The following POLA1 variants were observed in gnomAD, a reference collection of about 807,000 sequenced individuals.
POLA1 encodes the protein DNA polymerase alpha catalytic subunit.
Under a neutral mutation model 124.0 loss-of-function variants are expected in POLA1, and 15 were observed. The observed-to-expected ratio is 0.12, with a 90% CI of 0.08 to 0.19. The LOEUF is 0.19. Ranked by LOEUF, POLA1 falls within the 10% of genes least tolerant of loss-of-function variation. The pLI, the probability that POLA1 is intolerant of heterozygous loss-of-function variation, is 1.00. For synonymous variants in POLA1, 408 were observed against 389.4 expected (o/e 1.05, Z -0.56); for missense variants, 886 against 1,103.4 (o/e 0.80, Z 2.79).
At chrX:24,945,271 T>C (rs903912114) in intron 36 of POLA1, among the ~76,000 whole-genome samples, 27 of 112,727 alleles carry the variant, frequency 2.4e-4, no homozygotes, top group African/African-American at 8.4e-4. Context: ...GAATACTTTG[T>C]CTAAACGACT....
chrX:24,884,524 C>T (rs1450513201), intron 34 of POLA1, among the ~76,000 whole-genome samples: 1 of 111,863 alleles, frequency 8.9e-6, no homozygotes, highest in African/African-American at 3.3e-5. Context: ...GTTGGGGGAA[C>T]AAGGGGTTAA....
At position 24,739,694 on chromosome X, in the gene POLA1, A is replaced by G. The variant is rs895179130; in HGVS notation, c.2216+144A>G. ...CTCTACTACTTTCATAATTTGAACTAGTTTACCTCTTGAATTATTGTAATT... is the reference window on the plus strand; with the variant it reads ...CTCTACTACTTTCATAATTTGAACTGGTTTACCTCTTGAATTATTGTAATT... On this transcript the variant is annotated intron_variant, in intron 20 of 36. Transcript: ENST00000379068. 1.0e-5 allele frequency: 4 copies of G among 399,503 alleles called. No individual in the cohort carries two copies. In the Admixed American group the frequency reaches 1.7e-4, roughly 17 times the overall value. The allele number at this position is 399,503 out of a possible 1,213,427, so 32.9% of individuals were successfully genotyped here.
At chrX:24,927,245 A>G (rs1380719995) in intron 35 of POLA1, among the ~76,000 whole-genome samples, 1 of 111,410 alleles carries the variant, frequency 9.0e-6, no homozygotes, top group African/African-American at 3.3e-5. Context: ...GATAATATTG[A>G]TAAATGGATT....
chrX:24,857,935 C>T (rs2046667656), intron 34 of POLA1, among the ~76,000 whole-genome samples: 1 of 111,133 alleles, frequency 9.0e-6, no homozygotes, highest in Admixed American at 9.6e-5. Flanking sequence ...TTAATGAATT[C>T]TAATGTACCA....
chrX:24,979,311 C>T (rs1034658381), intron 36 of POLA1, among the ~76,000 whole-genome samples: 1 of 111,868 alleles, frequency 8.9e-6, no homozygotes, highest in African/African-American at 3.2e-5. Context: ...ATGTTGTAAG[C>T]ATCGCGTAAC....
At chrX:24,749,751 C>G (rs11573374) in intron 26 of POLA1, among the ~76,000 whole-genome samples, 1 of 111,916 alleles carries the variant, frequency 8.9e-6, no homozygotes. Flanking sequence ...TACATCAAGA[C>G]AGGAGTTATG....
chrX:24,900,321 C>G (rs1419941900), intron 35 of POLA1, among the ~76,000 whole-genome samples: 1 of 111,963 alleles, frequency 8.9e-6, no homozygotes, highest in Admixed American at 9.5e-5. Flanking sequence ...TTGTCTTTCA[C>G]TCACCCTGCA....
rs2046733270 is a variant in POLA1, at chrX:24,862,688, T to TGA, written c.4047+19011_4047+19012insGA. The stretch of plus-strand genomic sequence containing the variant: ...TTTGGGGCAATCCTCTGATGTGTAA[T>TGA]TGCTTTACATCAGTCACAAGAGAGA... On this transcript the variant is annotated intron_variant, in intron 34 of 36. Coordinates refer to ENST00000379068, the MANE Select transcript of POLA1 (RefSeq NM_001330360.2). Among the ~76,000 whole-genome samples the TGA allele has an allele frequency of 5.1e-4, 57 of 112,096 alleles. No individual in the cohort carries two copies. The South Asian group carries it at 0.021, about 41-fold the overall frequency.
intron 35 of POLA1, among the ~76,000 whole-genome samples, chrX:24,897,433 C>G (rs1204889608): frequency 9.4e-6 from 1 of 106,546 alleles, no homozygotes; most frequent in Non-Finnish European, 1.9e-5. Flanking sequence ...CTGGACTCCC[C>G]AAGGGCCAGG....
rs907394310 is a variant in POLA1, at chrX:24,732,743, G to A, written c.1771+289G>A. On this transcript the variant is annotated intron_variant, in intron 16 of 36. Transcript: ENST00000379068. ...TCAATGGTTGCTCTACTGAGGTTGA[G>A]TAGTTTTTTCCTGGGTCAAAATTAG... Among the ~76,000 whole-genome samples the A allele has an allele frequency of 3.7e-5, 4 of 108,993 alleles. No homozygotes were observed. In the East Asian group the frequency reaches 8.6e-4, roughly 23 times the overall value. The allele number at this position is 108,993 out of a possible 115,157, so 94.6% of individuals were successfully genotyped here.
intron 15 of POLA1, among the ~76,000 whole-genome samples, chrX:24,730,438 G>A (rs1930831547): frequency 9.0e-6 from 1 of 110,725 alleles, no homozygotes; most frequent in South Asian, 3.8e-4. Context: ...TAGAGACGGA[G>A]TTTCCCCATG....
intron 35 of POLA1, among the ~76,000 whole-genome samples, chrX:24,927,006 A>T (rs1277614494): frequency 9.9e-6 from 1 of 101,341 alleles, no homozygotes; most frequent in African/African-American, 3.6e-5. Context: ...TAATTTTTGT[A>T]TTTTTTTTTT....
rs184201150 is a variant in POLA1, at chrX:24,949,948, G to A, written c.4261+19399G>A. 4.0e-3 allele frequency among the ~76,000 whole-genome samples: 437 copies of A among 109,698 alleles called. 1 individual carries two copies. Among genetic ancestry groups the A allele is most frequent in the African/African-American group, 0.01 (308 of 30,138 alleles). ...GGGGGATCACCATGTTGGCCAGGCT[G>A]GTCTCCAACTCCTGACCTTGTGATC... On this transcript the variant is annotated intron_variant, in intron 36 of 36. Coordinates refer to ENST00000379068, the MANE Select transcript of POLA1 (RefSeq NM_001330360.2).
At chrX:24,949,505 A>G (rs1292263687) in intron 36 of POLA1, among the ~76,000 whole-genome samples, 2 of 107,222 alleles carry the variant, frequency 1.9e-5, no homozygotes, top group Non-Finnish European at 3.8e-5. Flanking sequence ...GCTAAAAAAT[A>G]TCTTGAGGCA....
intron 26 of POLA1, among the ~76,000 whole-genome samples, chrX:24,768,546 A>G (rs1237950403): frequency 4.5e-5 from 5 of 112,351 alleles, no homozygotes; most frequent in Non-Finnish European, 7.5e-5. Flanking sequence ...CAGAAAATGT[A>G]TTCAGTAATC....
chrX:24,839,385 A>G (rs1188755926), intron 32 of POLA1, among the ~76,000 whole-genome samples: 1 of 112,304 alleles, frequency 8.9e-6, no homozygotes, highest in Non-Finnish European at 1.9e-5. Flanking sequence ...TGATTTGTAG[A>G]AATGGATATT....
At chrX:24,826,059 A>T (rs940942441) in intron 31 of POLA1, among the ~76,000 whole-genome samples, 8 of 112,375 alleles carry the variant, frequency 7.1e-5, no homozygotes, top group African/African-American at 2.6e-4. Flanking sequence ...TCACTCCTTA[A>T]AAAGCCTTTC....
chrX:24,943,037 C>T (rs1016954304), intron 36 of POLA1, among the ~76,000 whole-genome samples: 7 of 112,544 alleles, frequency 6.2e-5, no homozygotes, highest in Non-Finnish European at 9.4e-5. Context: ...ACTCTCCACT[C>T]TCCACTGTAA....
chrX:24,851,803 A>G (rs1034331746), intron 34 of POLA1, among the ~76,000 whole-genome samples: 1 of 113,058 alleles, frequency 8.8e-6, no homozygotes, highest in African/African-American at 3.2e-5. Context: ...ACTCAACTTC[A>G]GGTCTAACTC....
Sources: gnomAD v4.1 joint callset for allele counts (sites outside exome capture counted in the v4.1 genomes callset) on GRCh38, gnomAD v4.1.1 for gene constraint, MANE v1.5 for transcripts, NCBI Gene and HGNC (gene_info 2026-07-23, HGNC 2026-07-21) for gene names.